Variants in GAK observed in about 807,000 individuals in gnomAD.
GAK encodes the protein cyclin G associated kinase, also known as cyclin-G-associated kinase.
Under a neutral mutation model 143.9 loss-of-function variants are expected in GAK, and 79 were observed. That is an observed-to-expected ratio of 0.55 (90% CI 0.46 to 0.66). The LOEUF (loss-of-function observed/expected upper bound fraction) is 0.66. Among genes scored for constraint, GAK ranks in the 30% least tolerant of loss-of-function variants. GAK has a pLI of 0.00. For missense variants in GAK, 1,693 were observed against 1,779.7 expected (o/e 0.95, Z 0.88); for synonymous variants, 881 against 765.5 (o/e 1.15, Z -2.49).
At chr4:860,251 C>T (rs1298513823) in intron 23 of GAK, among the ~76,000 whole-genome samples, 3 of 150,666 alleles carry the variant, frequency 2.0e-5, no homozygotes, top group Non-Finnish European at 4.4e-5. Flanking sequence ...AGGGGGGCTG[C>T]GGTGGGAGGA....
intron 25 of GAK, chr4:851,491 A>G (rs1368876901): frequency 3.5e-6 from 2 of 572,660 alleles, no homozygotes; most frequent in African/African-American, 3.8e-5. Flanking sequence ...AGTAAAGAAG[A>G]GGGAAGACAA....
chr4:929,430 T>C (rs1725333321), intron 1 of GAK, among the ~76,000 whole-genome samples: 2 of 152,194 alleles, frequency 1.3e-5, no homozygotes, highest in African/African-American at 4.8e-5. Flanking sequence ...TGGATTTCCC[T>C]GCAGTCAGGG....
At chr4:871,994 C>T (rs535839211) in intron 18 of GAK, among the ~76,000 whole-genome samples, 50 of 152,284 alleles carry the variant, frequency 3.3e-4, no homozygotes, top group Admixed American at 1.8e-3. Context: ...AAAAGAGTGG[C>T]GGCCAGTTCC....
Position 932,277 on chromosome 4 carries a change from G to T in GAK, c.-90C>A, listed in dbSNP as rs572027304. 16 of 1,410,314 alleles carry T rather than the reference G, an allele frequency of 1.1e-5. No individual in the cohort carries two copies. In the African/African-American group the frequency reaches 2.1e-4, roughly 19 times the overall value. 87.4% of individuals were successfully genotyped at this position (1,410,314 alleles called of 1,614,324 possible). On this transcript the variant is annotated 5_prime_UTR_variant, in exon 1 of 28. Coordinates refer to ENST00000314167, the MANE Select transcript of GAK (RefSeq NM_005255.4). This position sits in a 1 kb window ranked among gnomAD's most constrained non-coding sequence, Gnocchi z 4.0. Reference sequence around the variant, plus strand: ...CGTCCGGGTCAGCTCAGCAACCGCCGGCCCGGAGGTGCACCATCTTCCGCC... The same window carrying T: ...CGTCCGGGTCAGCTCAGCAACCGCCTGCCCGGAGGTGCACCATCTTCCGCC...
chr4:887,055 C>T, intron 11 of GAK: 1 of 151,750 alleles, frequency 6.6e-6, no homozygotes. Flanking sequence ...ACGCGGCCCA[C>T]ACGCACTCAC....
rs948861234 is a variant in GAK at position 882,699 on chromosome 4, T to C, written c.1525A>G (p.Met509Val). The C allele has an allele frequency of 3.7e-6, 6 of 1,611,944 alleles. No individual in the cohort carries two copies. The highest frequency in any genetic ancestry group is 3.3e-5 in the Admixed American group (2 of 60,012). The change falls in exon 14 of 28, where the codon ATG becomes GTG. Residue 509 changes from methionine (M) to valine (V), a missense_variant and splice_region_variant. This residue lies in a region of GAK where 871 missense variants were observed against 991.0 expected (regional missense o/e 0.88). Transcript: ENST00000314167. ...DHKNVCVVHC[M>V]DGRAASAVAV... ...CAGCCCACGGCCCTCGAGCTCACCA[T>C]GCAGTGCACGACGCAGACGTTCTTG...
chr4:906,791 G>A (rs543846528), intron 4 of GAK, among the ~76,000 whole-genome samples: 5 of 152,130 alleles, frequency 3.3e-5, no homozygotes, highest in South Asian at 2.1e-4. Context: ...CACCACCCAC[G>A]GAACCCACAC....
chr4:849,833 G>GGGGGGGGGGGCCCCCCCCCCCCCCC, intron 27 of GAK, 59 bp from the exon 28 acceptor site: 1 of 1,190,156 alleles, frequency 8.4e-7, no homozygotes, highest in Non-Finnish European at 1.2e-6. Context: ...GGCGGGGCAG[G>GGGGGGGGGGGCCCCCCCCCCCCCCC]ACCCCCCCCC....
intron 24 of GAK, chr4:852,874 C>T (rs116087218): frequency 0.035 from 5,292 of 152,414 alleles, 190 homozygotes; most frequent in East Asian, 0.19. Flanking sequence ...CGGGCAGCCG[C>T]GCCACCTACA....
rs761889971 is a variant in GAK at position 877,697 on chromosome 4, T to C, written c.1774A>G (p.Arg592Gly). ...TCGCAGAAGGGCCTGCAGCCGCTCC[T>C]CTGCTTGCTGAACAGCGGCACGGGT... is the stretch of plus-strand genomic sequence containing the variant. ...MTPVPLFSKQ[R>G]SGCRPFCEVY... Residue 592 changes from arginine to glycine, a missense_variant, in exon 16 of 28, where the codon AGG (arginine) becomes GGG (glycine). Coordinates refer to ENST00000314167, the MANE Select transcript of GAK (RefSeq NM_005255.4). 5 of 1,613,288 alleles carry C rather than the reference T, an allele frequency of 3.1e-6. No homozygotes were observed. The highest frequency in any genetic ancestry group is 4.2e-6 in the Non-Finnish European group (5 of 1,179,862).
intron 24 of GAK, among the ~76,000 whole-genome samples, chr4:857,276 C>T (rs998740125): frequency 6.6e-6 from 1 of 152,064 alleles, no homozygotes; most frequent in African/African-American, 2.4e-5. Flanking sequence ...TCCCAGTTTC[C>T]CTTTCCGGTG....
At chr4:854,826 A>T (rs1012974258) in intron 24 of GAK, among the ~76,000 whole-genome samples, 8 of 152,142 alleles carry the variant, frequency 5.3e-5, no homozygotes, top group African/African-American at 1.9e-4. Flanking sequence ...CGGGCGGATC[A>T]CGAGGTCAGG....
At chr4:888,036 T>C (rs1716879894) in intron 11 of GAK, 1 of 152,308 alleles carries the variant, frequency 6.6e-6, no homozygotes, top group South Asian at 2.1e-4. Flanking sequence ...CACACACGTC[T>C]ACCTGGTGCT....
chr4:909,961 C>G (rs1279335600), intron 4 of GAK, among the ~76,000 whole-genome samples: 1 of 151,760 alleles, frequency 6.6e-6, no homozygotes, highest in Non-Finnish European at 1.5e-5. Context: ...TTCTCGGCCA[C>G]GTCAAGCACC....
chr4:889,068 A>C lies in GAK; in HGVS notation c.1082-98T>G, dbSNP rs1577182281. The C allele has an allele frequency of 4.4e-6, 6 of 1,371,402 alleles. 1 individual carries two copies. Among genetic ancestry groups the C allele is most frequent in the African/African-American group, 1.5e-5 (1 of 67,074 alleles). 85.0% of individuals were successfully genotyped at this position (1,371,402 alleles called of 1,614,324 possible). ...GCCCAGGCCCCAGGCGCTCGGTCCC[A>C]CCTCCCCAGGCGCTCGGTCCCACCT... On this transcript the variant is annotated intron_variant, in intron 10 of 27. Coordinates refer to ENST00000314167, the MANE Select transcript of GAK (RefSeq NM_005255.4).
Position 867,420 on chromosome 4 carries a change from G to A in GAK, c.2408C>T (p.Ala803Val). Reference sequence around the variant, plus strand: ...AGAGGCATTTTCTGCACCAGTCTCTGCCTCCTTCTCTTCTGCGAAAAGGAA... The same window carrying A: ...AGAGGCATTTTCTGCACCAGTCTCTACCTCCTTCTCTTCTGCGAAAAGGAA... The part of the protein sequence containing the change: ...HTLDWQEEKE[A>V]ETGAENASSK... Residue 803 changes from alanine (A) to valine (V), a missense_variant, in exon 21 of 28, where the codon GCA (alanine) becomes GTA (valine). Ala to Val is a moderately conservative substitution (Grantham distance 64, BLOSUM62 0). This residue lies in a region of GAK where 822 missense variants were observed against 788.7 expected (regional missense o/e 1.04). Transcript: ENST00000314167. 2 of 1,525,642 alleles carry A rather than the reference G, an allele frequency of 1.3e-6. No homozygotes were observed. Among genetic ancestry groups the A allele is most frequent in the Non-Finnish European group, 1.8e-6 (2 of 1,132,522 alleles). The allele number at this position is 1,525,642 out of a possible 1,614,324, so 94.5% of individuals were successfully genotyped here.
chr4:879,880 G>A (rs770100722), intron 15 of GAK, among the ~76,000 whole-genome samples: 2 of 152,166 alleles, frequency 1.3e-5, no homozygotes, highest in Non-Finnish European at 2.9e-5. Flanking sequence ...AGTATCTCTC[G>A]ACCTGGCTCC....
At chr4:923,956 C>T (rs1008955695) in intron 1 of GAK, among the ~76,000 whole-genome samples, 1 of 152,144 alleles carries the variant, frequency 6.6e-6, no homozygotes, top group East Asian at 1.9e-4. Context: ...AGGCCAAGGC[C>T]GGCGGGTGAC....
intron 24 of GAK, among the ~76,000 whole-genome samples, chr4:857,245 G>A (rs963601111): frequency 1.4e-4 from 22 of 152,182 alleles, no homozygotes; most frequent in African/African-American, 5.1e-4. Flanking sequence ...GGATCTGTGT[G>A]TATATTCATG....
Sources: allele counts gnomAD v4.1 joint callset (sites outside exome capture counted in the v4.1 genomes callset), GRCh38; gene constraint gnomAD v4.1.1; regional missense constraint gnomAD v4.1.1; non-coding constraint Gnocchi (gnomAD v3.1); transcripts MANE v1.5; gene names NCBI Gene and HGNC (gene_info 2026-07-23, HGNC 2026-07-21).